Variants in HOXD12 observed in about 807,000 individuals in gnomAD.
The protein encoded by HOXD12 is homeobox protein Hox-D12.
Under a neutral mutation model 20.2 loss-of-function variants are expected in HOXD12, and 21 were observed. The ratio of observed to expected loss-of-function variants is 1.04; its 90% confidence interval spans 0.74 to 1.50. HOXD12 has a LOEUF of 1.50. Ranked by LOEUF, HOXD12 falls within the 40% of genes most tolerant of loss-of-function variation. The pLI is 0.00. For synonymous variants in HOXD12, 196 were observed against 168.8 expected, an observed-to-expected ratio of 1.16 and a Z score of -1.25; for missense variants, 472 against 365.5, an observed-to-expected ratio of 1.29 and a Z score of -2.38.
In HOXD12 at chr2:176,101,133, C is replaced by T. The variant is rs1689489558; in HGVS notation, c.*373C>T. ...TCTCCCTTTCCCCCTCTCTCCAGCC[C>T]CTTCAGCGTATAGCAGTCGCCTAGT... On this transcript the variant is annotated 3_prime_UTR_variant, in exon 2 of 2. Coordinates refer to ENST00000406506, the MANE Select transcript of HOXD12 (RefSeq NM_021193.4). The T allele has an allele frequency of 3.0e-6, 1 of 333,496 alleles. No individual in the cohort carries two copies. The highest frequency in any genetic ancestry group is 5.6e-6 in the Non-Finnish European group (1 of 178,528). 20.7% of individuals were successfully genotyped at this position (333,496 alleles called of 1,614,324 possible).
Position 176,100,562 on chromosome 2 carries a change from G to A in HOXD12, c.615G>A (p.Lys205=), listed in dbSNP as rs772997895. ...CGGCCCCGGGGAGGGCCCGCAAGAA[G>A]CGGAAACCCTACACGAAGCAGCAGA... ...WGAAPGRARK[K]RKPYTKQQIA... Residue 205 remains lysine (K), a synonymous_variant, in exon 2 of 2, where the codon AAG becomes AAA. Transcript: ENST00000406506. The A allele has an allele frequency of 3.7e-6, 6 of 1,611,356 alleles. No homozygotes were observed. The South Asian group carries it at 6.6e-5, about 18-fold the overall frequency.
Position 176,101,099 on chromosome 2 carries a change from C to T in HOXD12, c.*339C>T. The T allele has an allele frequency of 2.4e-6, 1 of 413,220 alleles. No homozygotes were observed. 25.6% of individuals were successfully genotyped at this position (413,220 alleles called of 1,614,324 possible). Reference sequence around the variant, plus strand: ...GGTACCTGGATTTTTCTGTTTCCACCCAATTCGTTCTCCCTTTCCCCCTCT... The same window carrying T: ...GGTACCTGGATTTTTCTGTTTCCACTCAATTCGTTCTCCCTTTCCCCCTCT... On this transcript the variant is annotated 3_prime_UTR_variant, in exon 2 of 2. Transcript: ENST00000406506.
rs1426676216 is a variant in HOXD12 at position 176,100,377 on chromosome 2, TA to T, written c.574+5del. The T allele has an allele frequency of 6.2e-7, 1 of 1,612,176 alleles. No homozygotes were observed. The highest frequency in any genetic ancestry group is 1.3e-5 in the African/African-American group (1 of 74,924). Reference sequence around the variant, plus strand: ...GCCTGCGACCTTCACTGCCCGACGGTAAACGGTGCCCATGCTCCCCGGGCCG... The same window carrying T: ...GCCTGCGACCTTCACTGCCCGACGGTAACGGTGCCCATGCTCCCCGGGCCG... On this transcript the variant is annotated splice_donor_region_variant and intron_variant, in intron 1 of 1. Coordinates refer to ENST00000406506, the MANE Select transcript of HOXD12 (RefSeq NM_021193.4).
At position 176,099,811 on chromosome 2, in the gene HOXD12, C is replaced by T. The variant is rs779359989; in HGVS notation, c.10C>T (p.Arg4Cys). 1.3e-6 allele frequency: 2 copies of T among 1,484,750 alleles called. No individual in the cohort carries two copies. Among genetic ancestry groups the T allele is most frequent in the East Asian group, 5.1e-5 (2 of 39,366 alleles). 92.0% of individuals were successfully genotyped at this position (1,484,750 alleles called of 1,614,324 possible). A position where few individuals can be genotyped will look rare whatever the true frequency, so the allele number is the denominator to read the frequency against. Residue 4 changes from arginine (R) to cysteine (C), a missense_variant, in exon 1 of 2, where the codon CGC becomes TGC. By Grantham distance (180) the Arg-to-Cys change is radical (BLOSUM62 -3). Coordinates refer to ENST00000406506, the MANE Select transcript of HOXD12 (RefSeq NM_021193.4). ...AAGCCCTTTGTTGGAGATGTGTGAG[C>T]GCAGTCTCTACAGAGCGGGCTATGT... Reference protein sequence around the residue: MCERSLYRAGYVGS... With the variant: MCECSLYRAGYVGS...
chr2:176,100,416 A>G, intron 1 of HOXD12, 41 bp downstream of exon 1: 1 of 1,606,086 alleles, frequency 6.2e-7, no homozygotes, highest in Non-Finnish European at 8.5e-7. Flanking sequence ...TTGGGCCGGG[A>G]TGGGAGGTGG....
Position 176,099,860 on chromosome 2 carries a change from C to T in HOXD12, c.59C>T (p.Ser20Leu). ...GYVGSLLNLQ[S>L]PDSFYFSNLR... ...GTGGGCTCGCTTCTGAATCTGCAGT[C>T]GCCAGACTCTTTCTACTTCTCCAAC... Residue 20 changes from serine to leucine, a missense_variant, in exon 1 of 2, where the codon TCG (serine) becomes TTG (leucine). By Grantham distance (145) the Ser-to-Leu change is moderately radical (BLOSUM62 -2). Transcript: ENST00000406506. 1 of 1,580,694 alleles carries T rather than the reference C, an allele frequency of 6.3e-7. No individual in the cohort carries two copies. Among genetic ancestry groups the T allele is most frequent in the Non-Finnish European group, 8.6e-7 (1 of 1,167,204 alleles).
rs375656143 is a variant in HOXD12 at position 176,101,148 on chromosome 2, A to G, written c.*388A>G. On this transcript the variant is annotated 3_prime_UTR_variant, in exon 2 of 2. Transcript: ENST00000406506. ...CTCTCCAGCCCCTTCAGCGTATAGC[A>G]GTCGCCTAGTTAGGGCTCAGAGTGG... The G allele has an allele frequency of 3.7e-4, 101 of 272,532 alleles. No homozygotes were observed. The Middle Eastern group carries it at 5.1e-3, about 14-fold the overall frequency. The allele number at this position is 272,532 out of a possible 1,614,324, so 16.9% of individuals were successfully genotyped here. A position where few individuals can be genotyped will look rare whatever the true frequency, so the allele number is the denominator to read the frequency against.
chr2:176,100,483 G>A (rs1350617081), intron 1 of HOXD12, 39 bp from the exon 2 acceptor site: 4 of 1,588,874 alleles, frequency 2.5e-6, no homozygotes, highest in Middle Eastern at 1.7e-4. Context: ...AATAGACAGA[G>A]TACGGGCTGG....
At position 176,100,707 on chromosome 2, in the gene HOXD12, C is replaced by G; in HGVS notation, c.760C>G (p.Arg254Gly). ...QQVKIWFQNR[R>G]MKKKRVVLRE... ...AGTCAAAATCTGGTTCCAGAACAGG[C>G]GTATGAAGAAGAAGCGCGTGGTGCT... The change falls in exon 2 of 2, where the codon CGT (arginine) becomes GGT (glycine). Residue 254 changes from arginine to glycine, a missense_variant. Coordinates refer to ENST00000406506, the MANE Select transcript of HOXD12 (RefSeq NM_021193.4). 1.9e-6 allele frequency: 3 copies of G among 1,613,956 alleles called. No homozygotes were observed. Among genetic ancestry groups the G allele is most frequent in the Non-Finnish European group, 2.5e-6 (3 of 1,179,856 alleles).
rs775760828 is a variant in HOXD12, at chr2:176,100,164, C to G, written c.363C>G (p.Pro121=). 11 of 1,612,072 alleles carry G rather than the reference C, an allele frequency of 6.8e-6. No homozygotes were observed. The highest frequency in any genetic ancestry group is 4.0e-5 in the African/African-American group (3 of 74,946). Residue 121 remains proline, a synonymous_variant, in exon 1 of 2, where the codon CCC becomes CCG. Coordinates refer to ENST00000406506, the MANE Select transcript of HOXD12 (RefSeq NM_021193.4). ...ERGRTRPSFA[P]ESSLAPAVAA... is the part of the protein sequence containing the mutation. The stretch of plus-strand genomic sequence containing the variant: ...GTCGTACCCGGCCGTCCTTCGCCCC[C>G]GAGTCTAGCCTGGCTCCTGCAGTGG...
At chr2:176,100,413 G>A in intron 1 of HOXD12, 38 bp downstream of exon 1, 2 of 1,607,838 alleles carry the variant, frequency 1.2e-6, no homozygotes, top group Non-Finnish European at 1.7e-6. Context: ...GGTTTGGGCC[G>A]GGATGGGAGG....
In HOXD12 at chr2:176,099,922, C is replaced by G. The variant is rs749162512; in HGVS notation, c.121C>G (p.Pro41Ala). ...TGGCGGCCAGTTGGCCGCGCTTCCCCCTATCTCCTACCCGCGCGGCGCGCT... is the reference window on the plus strand; with the variant it reads ...TGGCGGCCAGTTGGCCGCGCTTCCCGCTATCTCCTACCCGCGCGGCGCGCT... The part of the protein sequence containing the change: ...PNGGQLAALP[P>A]ISYPRGALPW... Residue 41 changes from proline to alanine, a missense_variant, in exon 1 of 2, where the codon CCT becomes GCT. Physicochemically the swap from Pro to Ala is conservative, Grantham distance 27. Transcript: ENST00000406506. The G allele has an allele frequency of 6.3e-7, 1 of 1,595,242 alleles. No individual in the cohort carries two copies. The highest frequency in any genetic ancestry group is 8.5e-7 in the Non-Finnish European group (1 of 1,173,508).
chr2:176,100,795 CTTTT>C lies in HOXD12; in HGVS notation c.*36_*39del. ...TGGCCAGGGCCGGGTTGGATCTGCC[CTTTT>C]GGACAGAGGCCTTGTTTGGGGAGGG... On this transcript the variant is annotated 3_prime_UTR_variant, in exon 2 of 2. Coordinates refer to ENST00000406506, the MANE Select transcript of HOXD12 (RefSeq NM_021193.4). The C allele has an allele frequency of 6.9e-7, 1 of 1,441,988 alleles. No individual in the cohort carries two copies. Among genetic ancestry groups the C allele is most frequent in the Non-Finnish European group, 9.7e-7 (1 of 1,030,452 alleles). The allele number at this position is 1,441,988 out of a possible 1,614,324, so 89.3% of individuals were successfully genotyped here.
rs1343359401 is a variant in HOXD12, at chr2:176,100,535, G to A, written c.588G>A (p.Gly196=). 1 of 1,605,178 alleles carries A rather than the reference G, an allele frequency of 6.2e-7. No individual in the cohort carries two copies. Among genetic ancestry groups the A allele is most frequent in the Admixed American group, 1.7e-5 (1 of 58,608 alleles). ...GCTGTGTTGCAGGCCTGCCGTGGGG[G>A]GCGGCCCCGGGGAGGGCCCGCAAGA... is the stretch of plus-strand genomic sequence containing the variant. The part of the protein sequence containing the change: ...RPSLPDGLPW[G]AAPGRARKKR... The change falls in exon 2 of 2, where the codon GGG becomes GGA. Residue 196 remains glycine (G), a synonymous_variant. Coordinates refer to ENST00000406506, the MANE Select transcript of HOXD12 (RefSeq NM_021193.4).
At position 176,101,431 on chromosome 2, in the gene HOXD12, T is replaced by C. The variant is rs1689493773; in HGVS notation, c.*671T>C. ...ATATCTCGAAATGAGAAATGCGAAA[T>C]AGGCTGGCCTATTTCCAGCTGGGTA... is the stretch of plus-strand genomic sequence containing the variant. On this transcript the variant is annotated 3_prime_UTR_variant, in exon 2 of 2. Transcript: ENST00000406506. Among the ~76,000 whole-genome samples, 1 of 151,646 alleles carries C rather than the reference T, an allele frequency of 6.6e-6. No individual in the cohort carries two copies.
chr2:176,100,610 C>T lies in HOXD12; in HGVS notation c.663C>T (p.Phe221=). The change falls in exon 2 of 2, where the codon TTC becomes TTT. Residue 221 remains phenylalanine (F), a synonymous_variant. Coordinates refer to ENST00000406506, the MANE Select transcript of HOXD12 (RefSeq NM_021193.4). ...KQQIAELENE[F]LVNEFINRQK... Reference sequence around the variant, plus strand: ...AGATTGCGGAGTTGGAGAACGAATTCCTCGTCAACGAATTCATCAACAGGC... The same window carrying T: ...AGATTGCGGAGTTGGAGAACGAATTTCTCGTCAACGAATTCATCAACAGGC... 6.2e-7 allele frequency: 1 copy of T among 1,613,364 alleles called. No homozygotes were observed. Among genetic ancestry groups the T allele is most frequent in the Non-Finnish European group, 8.5e-7 (1 of 1,179,608 alleles).
chr2:176,099,829 G>GA lies in HOXD12; in HGVS notation c.28_29insA (p.Gly10GlufsTer90), dbSNP rs1559110727. On this transcript the variant is annotated frameshift_variant, in exon 1 of 2. Transcript: ENST00000406506. LOFTEE classifies it high-confidence loss of function. ...GTGTGAGCGCAGTCTCTACAGAGCG[G>GA]GCTATGTGGGCTCGCTTCTGAATCT... 1 of 1,542,588 alleles carries GA rather than the reference G, an allele frequency of 6.5e-7. No homozygotes were observed. Among genetic ancestry groups the GA allele is most frequent in the Non-Finnish European group, 8.7e-7 (1 of 1,151,638 alleles).
chr2:176,099,945 G>A lies in HOXD12; in HGVS notation c.144G>A (p.Ala48=), dbSNP rs1689464416. 1 of 1,583,400 alleles carries A rather than the reference G, an allele frequency of 6.3e-7. No homozygotes were observed. The highest frequency in any genetic ancestry group is 1.4e-5 in the African/African-American group (1 of 71,806). Residue 48 remains alanine, a synonymous_variant, in exon 1 of 2, where the codon GCG becomes GCA. Transcript: ENST00000406506. The part of the protein sequence containing the change: ...ALPPISYPRG[A]LPWAATPASC... ...CCCCTATCTCCTACCCGCGCGGCGC[G>A]CTGCCCTGGGCCGCCACGCCCGCCT...
chr2:176,100,400 G>C (rs772196857), intron 1 of HOXD12, 25 bp downstream of exon 1: 1 of 1,610,220 alleles, frequency 6.2e-7, no homozygotes, highest in Non-Finnish European at 8.5e-7. Context: ...TGCTCCCCGG[G>C]CCGGTTTGGG....
Sources: gnomAD v4.1 joint callset for allele counts (sites outside exome capture counted in the v4.1 genomes callset) on GRCh38, gnomAD v4.1.1 for gene constraint, MANE v1.5 for transcripts, NCBI Gene and HGNC (gene_info 2026-07-23, HGNC 2026-07-21) for gene names.